The following EGFLAM variants were observed in gnomAD, a reference collection of about 807,000 sequenced individuals.
The protein encoded by EGFLAM is EGF like, fibronectin type III and laminin G domains, also known as pikachurin.
In EGFLAM, 79 loss-of-function variants were observed where a neutral mutation model predicts 113.1. The ratio of observed to expected loss-of-function variants is 0.70; its 90% CI spans 0.58 to 0.84. The LOEUF is 0.84. EGFLAM is among the 40% of genes least tolerant of loss of function. The pLI, the probability that EGFLAM is intolerant of heterozygous loss-of-function variation, is 0.00. For synonymous variants in EGFLAM, 504 were observed against 487.6 expected, an observed-to-expected ratio of 1.03 and a Z score of -0.44; for missense variants, 1,265 against 1,291.6, an observed-to-expected ratio of 0.98 and a Z score of 0.32.
intron 6 of EGFLAM, chr5:38,403,874 G>C (rs1035607150): frequency 6.8e-6 from 11 of 1,613,876 alleles, no homozygotes; most frequent in Non-Finnish European, 9.3e-6. Flanking sequence ...CAGGTGGCTT[G>C]AGAGAACATG....
intron 6 of EGFLAM, among the ~76,000 whole-genome samples, chr5:38,383,486 C>T (rs567860193): frequency 2.8e-4 from 42 of 150,426 alleles, no homozygotes; most frequent in Admixed American, 3.3e-4. Flanking sequence ...AACCTAATTT[C>T]TGACTCTACA....
At chr5:38,428,969 A>G (rs1251846452) in intron 14 of EGFLAM, among the ~76,000 whole-genome samples, 3 of 152,218 alleles carry the variant, frequency 2.0e-5, no homozygotes, top group African/African-American at 7.2e-5. Flanking sequence ...AGCTAACAAC[A>G]GTGATTACTC....
In EGFLAM at chr5:38,287,764, G is replaced by A. The variant is rs1214857521; in HGVS notation, c.97+28913G>A. On this transcript the variant is annotated intron_variant, in intron 1 of 21. Transcript: ENST00000322350. ...ACCAGTCAGAAGGAAATTGATCCATGTTCTAAGCTGAGATGTGGAAATGAG... is the reference window on the plus strand; with the variant it reads ...ACCAGTCAGAAGGAAATTGATCCATATTCTAAGCTGAGATGTGGAAATGAG... 3.3e-5 allele frequency among the ~76,000 whole-genome samples: 5 copies of A among 152,212 alleles called. No individual in the cohort carries two copies. The East Asian group carries it at 9.6e-4, about 29-fold the overall frequency.
chr5:38,318,251 T>C (rs1008774382), intron 1 of EGFLAM, among the ~76,000 whole-genome samples: 1 of 151,642 alleles, frequency 6.6e-6, no homozygotes, highest in African/African-American at 2.4e-5. Context: ...GTTATGGTGA[T>C]AGTATAGTAT....
chr5:38,364,165 T>A (rs1169921160), intron 5 of EGFLAM, among the ~76,000 whole-genome samples: 1 of 152,204 alleles, frequency 6.6e-6, no homozygotes, highest in African/African-American at 2.4e-5. Flanking sequence ...ATGGAGTATC[T>A]CATGTGAAAA....
intron 1 of EGFLAM, among the ~76,000 whole-genome samples, chr5:38,326,664 T>G (rs113894906): frequency 1.1e-3 from 158 of 149,526 alleles, no homozygotes; most frequent in African/African-American, 3.7e-3. Flanking sequence ...GGCGTTTTTT[T>G]GTATTTTTTA....
intron 1 of EGFLAM, among the ~76,000 whole-genome samples, chr5:38,310,712 G>A (rs1035042651): frequency 1.3e-5 from 2 of 152,034 alleles, no homozygotes; most frequent in Admixed American, 6.5e-5. Flanking sequence ...ATTTGCAGGC[G>A]ATTTTTGAAC....
chr5:38,408,873 A>G (rs1051787087), intron 9 of EGFLAM, 131 bp from the exon 10 acceptor site: 14 of 772,952 alleles, frequency 1.8e-5, no homozygotes, highest in African/African-American at 6.9e-5. Context: ...TGGAGCCCAC[A>G]TGCTTGACCC....
chr5:38,460,379 C>G (rs1743231738), intron 20 of EGFLAM, among the ~76,000 whole-genome samples: 1 of 152,230 alleles, frequency 6.6e-6, no homozygotes, highest in Non-Finnish European at 1.5e-5. Flanking sequence ...TTCCCCTAGA[C>G]TATACAACTG....
At chr5:38,434,536 G>GA (rs1742285293) in intron 15 of EGFLAM, among the ~76,000 whole-genome samples, 1 of 152,192 alleles carries the variant, frequency 6.6e-6, no homozygotes, top group Admixed American at 6.5e-5. Flanking sequence ...GTAAATCAAA[G>GA]AAAATAATAA....
At chr5:38,371,496 G>A (rs1740210760) in intron 6 of EGFLAM, among the ~76,000 whole-genome samples, 1 of 152,100 alleles carries the variant, frequency 6.6e-6, no homozygotes. Context: ...CCAAATCTGA[G>A]GAATTTTGGC....
chr5:38,361,787 C>G (rs1285003211), intron 5 of EGFLAM, among the ~76,000 whole-genome samples: 1 of 152,174 alleles, frequency 6.6e-6, no homozygotes, highest in African/African-American at 2.4e-5. Context: ...CTGCTTAGTC[C>G]TGCTAAGCCT....
chr5:38,391,016 A>G (rs1260728298), intron 6 of EGFLAM, among the ~76,000 whole-genome samples: 1 of 152,128 alleles, frequency 6.6e-6, no homozygotes, highest in African/African-American at 2.4e-5. Flanking sequence ...AAACATCTTA[A>G]GTTTTTTCTT....
intron 5 of EGFLAM, among the ~76,000 whole-genome samples, chr5:38,369,277 C>T (rs1405557573): frequency 6.6e-6 from 1 of 152,072 alleles, no homozygotes. Flanking sequence ...AACATATAAC[C>T]CATATAAAAA....
At chr5:38,462,048 G>C (rs1293078336) in intron 20 of EGFLAM, among the ~76,000 whole-genome samples, 1 of 152,094 alleles carries the variant, frequency 6.6e-6, no homozygotes, top group Non-Finnish European at 1.5e-5. Context: ...GGCGCCTGTA[G>C]TCCCAGCTAC....
intron 1 of EGFLAM, among the ~76,000 whole-genome samples, chr5:38,285,405 G>A (rs189734981): frequency 6.6e-6 from 1 of 152,264 alleles, no homozygotes; most frequent in Admixed American, 6.5e-5. Context: ...ACAGTGACCA[G>A]GACTGTCACA....
intron 17 of EGFLAM, 129 bp from the exon 18 acceptor site, chr5:38,448,172 G>A (rs938620405): frequency 2.5e-5 from 25 of 1,019,852 alleles, no homozygotes; most frequent in Admixed American, 1.3e-4. Context: ...GCGTGCAGCC[G>A]AAGGGAAGGG....
intron 6 of EGFLAM, among the ~76,000 whole-genome samples, chr5:38,383,762 G>A (rs1740581317): frequency 2.0e-5 from 3 of 149,212 alleles, no homozygotes; most frequent in South Asian, 2.1e-4. Context: ...GGTGGGAGCT[G>A]CTGCTTGGGA....
rs1361389335 is a variant in EGFLAM at position 38,376,155 on chromosome 5, A to G, written c.712+5693A>G. On this transcript the variant is annotated intron_variant, in intron 6 of 21. Coordinates refer to ENST00000322350, the MANE Select transcript of EGFLAM (RefSeq NM_152403.4). ...TGGAGTGCAGAACTGGGGGCTTTGT[A>G]AAAAATGTATTCACTGCCTCCACTG... Among the ~76,000 whole-genome samples the G allele has an allele frequency of 3.9e-5, 6 of 152,166 alleles. 1 individual carries two copies. The highest frequency in any genetic ancestry group is 2.4e-5 in the African/African-American group (1 of 41,446).
Sources: allele counts gnomAD v4.1 joint callset (sites outside exome capture counted in the v4.1 genomes callset), GRCh38; gene constraint gnomAD v4.1.1; transcripts MANE v1.5; gene names NCBI Gene and HGNC (gene_info 2026-07-23, HGNC 2026-07-21).